The following RBL2 variants were observed in gnomAD, a reference collection of about 807,000 sequenced individuals.
The protein encoded by RBL2 is RB transcriptional corepressor like 2.
Under a neutral mutation model 126.0 loss-of-function variants are expected in RBL2, and 56 were observed. The ratio of observed to expected loss-of-function variants is 0.44; its 90% confidence interval spans 0.36 to 0.56. The LOEUF is 0.56. Ranked by LOEUF, RBL2 falls within the 20% of genes least tolerant of loss-of-function variation. The probability of loss-of-function intolerance (pLI) is 0.00; values close to 1 mark genes in which losing one functional copy is unlikely to be tolerated. For synonymous variants in RBL2, 454 were observed against 478.5 expected (o/e 0.95, Z 0.67); for missense variants, 1,229 against 1,398.2 (o/e 0.88, Z 1.93).
chr16:53,464,274 C>G lies in RBL2; in HGVS notation c.1609C>G (p.Leu537Val). 1 of 1,604,168 alleles carries G rather than the reference C, an allele frequency of 6.2e-7. No individual in the cohort carries two copies. Among genetic ancestry groups the G allele is most frequent in the South Asian group, 1.1e-5 (1 of 90,640 alleles). ...CCACAGATCTCTCTTGGCCTGCTGC[C>G]TTGAGGTCGTCACTTTTTCTTATAA... ...AFHRSLLACC[L>V]EVVTFSYKPP... is the part of the protein sequence containing the mutation. The change falls in exon 12 of 22, where the codon CTT becomes GTT. Residue 537 changes from leucine to valine, a missense_variant. Transcript: ENST00000262133.
intron 8 of RBL2, among the ~76,000 whole-genome samples, chr16:53,455,221 TACA>T (rs2058155750): frequency 6.6e-6 from 1 of 152,234 alleles, no homozygotes; most frequent in African/African-American, 2.4e-5. Flanking sequence ...AATGAGGATC[TACA>T]GTCTTTAAGA....
rs755908515 is a variant in RBL2 at position 53,464,280 on chromosome 16, G to T, written c.1615G>T (p.Val539Phe). Reference sequence around the variant, plus strand: ...ATCTCTCTTGGCCTGCTGCCTTGAGGTCGTCACTTTTTCTTATAAGCCTCC... The same window carrying T: ...ATCTCTCTTGGCCTGCTGCCTTGAGTTCGTCACTTTTTCTTATAAGCCTCC... ...HRSLLACCLE[V>F]VTFSYKPPGN... Residue 539 changes from valine to phenylalanine, a missense_variant, in exon 12 of 22, where the codon GTC becomes TTC. Physicochemically the swap from Val to Phe is conservative, Grantham distance 50. Transcript: ENST00000262133. The T allele has an allele frequency of 6.2e-7, 1 of 1,602,880 alleles. No homozygotes were observed. Among genetic ancestry groups the T allele is most frequent in the Non-Finnish European group, 8.5e-7 (1 of 1,170,416 alleles).
At chr16:53,472,237 C>T (rs563413833) in intron 17 of RBL2, among the ~76,000 whole-genome samples, 2 of 152,200 alleles carry the variant, frequency 1.3e-5, no homozygotes, top group South Asian at 4.1e-4. Context: ...ATATCATGTA[C>T]CTGTTTGAGT....
intron 9 of RBL2, 133 bp downstream of exon 9, chr16:53,459,750 G>C: frequency 1.2e-6 from 1 of 800,154 alleles, no homozygotes; most frequent in Non-Finnish European, 1.8e-6. Flanking sequence ...CCTGTTGTGA[G>C]TCTATAGAGG....
intron 2 of RBL2, among the ~76,000 whole-genome samples, chr16:53,441,762 GAAGGGT>G (rs2058018478): frequency 6.6e-6 from 1 of 152,166 alleles, no homozygotes; most frequent in African/African-American, 2.4e-5. Context: ...CTTTGGGGTA[GAAGGGT>G]AAGGATGGGA....
intron 13 of RBL2, chr16:53,465,980 C>T (rs2058269044): frequency 1.3e-5 from 2 of 154,888 alleles, no homozygotes; most frequent in Admixed American, 1.3e-4. Flanking sequence ...GGCTCTTTGC[C>T]TACTATGTGT....
At position 53,434,498 on chromosome 16, in the gene RBL2, G is replaced by C. The variant is rs1408273264; in HGVS notation, c.-59G>C. ...CGGACGGGCGGGCGCTTCGCCGTTT[G>C]AATGGCTGCGGGCCCGGGCCCTCAC... is the stretch of plus-strand genomic sequence containing the variant. On this transcript the variant is annotated 5_prime_UTR_variant, in exon 1 of 22. Transcript: ENST00000262133. The C allele has an allele frequency of 2.2e-6, 3 of 1,334,728 alleles. No homozygotes were observed. The Admixed American group carries it at 1.2e-4, about 52-fold the overall frequency. 82.7% of individuals were successfully genotyped at this position (1,334,728 alleles called of 1,614,324 possible).
Position 53,490,497 on chromosome 16 carries a change from T to C in RBL2, c.*197T>C. On this transcript the variant is annotated 3_prime_UTR_variant, in exon 22 of 22. Coordinates refer to ENST00000262133, the MANE Select transcript of RBL2 (RefSeq NM_005611.4). ...CATTTTAATTCATCCCAACTGTCTT[T>C]TTTTCCCTACCATTCAGTGATTACT... 2.4e-6 allele frequency: 1 copy of C among 420,556 alleles called. No individual in the cohort carries two copies. The highest frequency in any genetic ancestry group is 4.1e-6 in the Non-Finnish European group (1 of 244,234). The allele number at this position is 420,556 out of a possible 1,614,324, so 26.1% of individuals were successfully genotyped here. A position where few individuals can be genotyped will look rare whatever the true frequency, so the allele number is the denominator to read the frequency against.
At chr16:53,462,874 G>A (rs926623169) in intron 11 of RBL2, among the ~76,000 whole-genome samples, 32 of 152,040 alleles carry the variant, frequency 2.1e-4, no homozygotes, top group African/African-American at 1.7e-4. Context: ...GGAGTCTTGC[G>A]CTGTCGCCAA....
At position 53,479,888 on chromosome 16, in the gene RBL2, G is replaced by A. The variant is rs964040280; in HGVS notation, c.2778G>A (p.Val926=). 5 of 1,587,208 alleles carry A rather than the reference G, an allele frequency of 3.2e-6. No individual in the cohort carries two copies. The African/African-American group carries it at 4.1e-5, about 13-fold the overall frequency. ...CCCTTCTCATTGTTTCTCTAAAGGT[G>A]TATAGAAGTGTTTTGATAAAAGGGA... The part of the protein sequence containing the change: ...YRTQPQARSQ[V]YRSVLIKGKR... Residue 926 remains valine, a splice_region_variant and synonymous_variant, in exon 19 of 22, where the codon GTG becomes GTA. Transcript: ENST00000262133.
Position 53,434,890 on chromosome 16 carries a change from G to A in RBL2, c.240+94G>A, listed in dbSNP as rs982164056. 283 of 1,390,632 alleles carry A rather than the reference G, an allele frequency of 2.0e-4. 1 individual carries two copies. The Middle Eastern group carries it at 2.1e-3, about 10-fold the overall frequency. The allele number at this position is 1,390,632 out of a possible 1,614,324, so 86.1% of individuals were successfully genotyped here. A position where few individuals can be genotyped will look rare whatever the true frequency, so the allele number is the denominator to read the frequency against. ...CGCGCCTCGAGAGACTCTCGGGCGG[G>A]TTGCGGGCTCCCAGCCCCGAGAGGG... On this transcript the variant is annotated intron_variant, in intron 1 of 21. Coordinates refer to ENST00000262133, the MANE Select transcript of RBL2 (RefSeq NM_005611.4).
At chr16:53,488,696 C>CTGAT (rs1360336822) in intron 21 of RBL2, 1 of 152,104 alleles carries the variant, frequency 6.6e-6, no homozygotes, top group Non-Finnish European at 1.5e-5. Context: ...AAGATGAAGA[C>CTGAT]TGATCATTAG....
chr16:53,462,762 A>G (rs2058235258), intron 11 of RBL2, 107 bp downstream of exon 11: 1 of 678,252 alleles, frequency 1.5e-6, no homozygotes, highest in Non-Finnish European at 2.4e-6. Context: ...CCTTTCATAC[A>G]CAAAAGTTTT....
chr16:53,434,710 C>G lies in RBL2; in HGVS notation c.154C>G (p.Leu52Val). The change falls in exon 1 of 22, where the codon CTG becomes GTG. Residue 52 changes from leucine to valine, a missense_variant. By Grantham distance (32) the Leu-to-Val change is conservative. This residue lies in a region of RBL2 where 159 missense variants were observed against 123.9 expected (regional missense o/e 1.28). Coordinates refer to ENST00000262133, the MANE Select transcript of RBL2 (RefSeq NM_005611.4). ...TCAGATCCAGCAGCGGTTCGACGAG[C>G]TGTGCAGCCGCCTCAACATGGACGA... ...TPQIQQRFDE[L>V]CSRLNMDEAA... is the part of the protein sequence containing the mutation. 2 of 1,562,816 alleles carry G rather than the reference C, an allele frequency of 1.3e-6. No individual in the cohort carries two copies. The highest frequency in any genetic ancestry group is 1.7e-6 in the Non-Finnish European group (2 of 1,164,136).
At chr16:53,477,162 T>C (rs1414058232) in intron 17 of RBL2, among the ~76,000 whole-genome samples, 2 of 152,160 alleles carry the variant, frequency 1.3e-5, no homozygotes, top group Non-Finnish European at 2.9e-5. Flanking sequence ...CAGTGAGATA[T>C]AGGAGTGTTA....
chr16:53,452,123 A>G (rs2058121662), intron 5 of RBL2, among the ~76,000 whole-genome samples: 1 of 152,216 alleles, frequency 6.6e-6, no homozygotes, highest in Non-Finnish European at 1.5e-5. Flanking sequence ...ATTAAAGCCG[A>G]TGATGTTTTT....
chr16:53,465,829 A>T, intron 13 of RBL2: 1 of 341,086 alleles, frequency 2.9e-6, no homozygotes, highest in Non-Finnish European at 5.2e-6. Context: ...GATAACGTTT[A>T]TTAAGACTTA....
At chr16:53,438,280 C>T (rs1040547584) in intron 1 of RBL2, among the ~76,000 whole-genome samples, 2 of 152,054 alleles carry the variant, frequency 1.3e-5, no homozygotes, top group African/African-American at 4.8e-5. Flanking sequence ...TATGTTTGTT[C>T]CATGTGGTCT....
chr16:53,454,988 G>T (rs1256829180), intron 8 of RBL2, 146 bp downstream of exon 8: 1 of 611,260 alleles, frequency 1.6e-6, no homozygotes, highest in Non-Finnish European at 2.6e-6. Flanking sequence ...ATTGAAAAAG[G>T]TATCTCTATG....
Sources: allele counts gnomAD v4.1 joint callset (sites outside exome capture counted in the v4.1 genomes callset), GRCh38; gene constraint gnomAD v4.1.1; regional missense constraint gnomAD v4.1.1; transcripts MANE v1.5; gene names NCBI Gene and HGNC (gene_info 2026-07-23, HGNC 2026-07-21).